Variants in SCN2A observed in about 807,000 individuals in gnomAD.
SCN2A encodes the protein sodium channel protein type 2 subunit alpha.
A neutral mutation model predicts 188.7 loss-of-function variants in SCN2A; 20 were observed. The observed-to-expected ratio is 0.11, with a 90% CI of 0.07 to 0.15. SCN2A has a LOEUF of 0.15. Among genes scored for constraint, SCN2A ranks in the 10% least tolerant of loss-of-function variants. The pLI is 1.00. For missense variants in SCN2A, 1,278 were observed against 2,445.0 expected, an observed-to-expected ratio of 0.52 and a Z score of 10.07; for synonymous variants, 804 against 833.1, an observed-to-expected ratio of 0.97 and a Z score of 0.60.
At chr2:165,349,523 T>A (rs1243053714) in intron 16 of SCN2A, among the ~76,000 whole-genome samples, 1 of 151,898 alleles carries the variant, frequency 6.6e-6, no homozygotes, top group Non-Finnish European at 1.5e-5. Context: ...TGCAGAAAAT[T>A]GAAGTTGAAA....
At chr2:165,318,147 G>A (rs1361891986) in intron 11 of SCN2A, among the ~76,000 whole-genome samples, 5 of 152,190 alleles carry the variant, frequency 3.3e-5, no homozygotes, top group African/African-American at 1.2e-4. Flanking sequence ...GTGATGACAT[G>A]ATTGTGTTGG....
At chr2:165,324,346 G>A (rs760683866) in intron 12 of SCN2A, among the ~76,000 whole-genome samples, 111 of 151,662 alleles carry the variant, frequency 7.3e-4, no homozygotes, top group Admixed American at 6.6e-4. Flanking sequence ...TTTTCACATA[G>A]CTCCATTTAT....
intron 1 of SCN2A, chr2:165,268,989 G>A (rs1694992879): frequency 6.6e-6 from 1 of 152,010 alleles, no homozygotes; most frequent in Non-Finnish European, 1.5e-5. Flanking sequence ...GGGCTACTGG[G>A]TAGGGCTGTA....
chr2:165,281,354 G>A (rs565614292), intron 1 of SCN2A, among the ~76,000 whole-genome samples: 5 of 152,096 alleles, frequency 3.3e-5, no homozygotes, highest in African/African-American at 1.2e-4. Context: ...GCATGGTTGG[G>A]GAAGGCATCA....
intron 1 of SCN2A, among the ~76,000 whole-genome samples, chr2:165,265,500 T>TATATATATAC (rs1694813450): frequency 6.3e-5 from 8 of 126,936 alleles, no homozygotes; most frequent in Admixed American, 6.1e-4. Flanking sequence ...TATATATATA[T>TATATATATAC]ATATATATAT....
At chr2:165,352,348 G>T (rs990725684) in intron 16 of SCN2A, among the ~76,000 whole-genome samples, 1 of 151,694 alleles carries the variant, frequency 6.6e-6, no homozygotes, top group African/African-American at 2.4e-5. Context: ...AATCAAACGT[G>T]GTCTTCATTG....
At chr2:165,306,719 C>G (rs900312852) in intron 3 of SCN2A, among the ~76,000 whole-genome samples, 10 of 151,766 alleles carry the variant, frequency 6.6e-5, no homozygotes, top group African/African-American at 2.4e-4. Flanking sequence ...GTACTAGATG[C>G]AAATGAACTT....
intron 16 of SCN2A, among the ~76,000 whole-genome samples, chr2:165,350,573 C>T (rs1699850137): frequency 6.9e-6 from 1 of 145,666 alleles, no homozygotes; most frequent in African/African-American, 2.6e-5. Context: ...CCCGGGTTCA[C>T]GCCATTCTCC....
chr2:165,375,234 G>A (rs182406572), intron 22 of SCN2A, among the ~76,000 whole-genome samples: 1 of 151,994 alleles, frequency 6.6e-6, no homozygotes, highest in Non-Finnish European at 1.5e-5. Flanking sequence ...CCATTACTGG[G>A]TATATATACA....
At position 165,388,950 on chromosome 2, in the gene SCN2A, G is replaced by A. The variant is rs1702015681; in HGVS notation, c.5144G>A (p.Gly1715Asp). Residue 1715 changes from glycine to aspartate, a missense_variant, in exon 27 of 27, where the codon GGC becomes GAC. Physicochemically the swap from Gly to Asp is moderately conservative, Grantham distance 94. Around this residue, in one of 17 missense-constraint regions of SCN2A, gnomAD observed 47 missense variants for 109.0 expected, o/e 0.43. Coordinates refer to ENST00000375437, the MANE Select transcript of SCN2A (RefSeq NM_001040142.2). ...CTGTTCCAAATTACAACCTCTGCTG[G>A]CTGGGATGGATTGCTAGCACCTATT... ...ICLFQITTSA[G>D]WDGLLAPILN... The A allele has an allele frequency of 6.2e-7, 1 of 1,613,986 alleles. No homozygotes were observed. Among genetic ancestry groups the A allele is most frequent in the Non-Finnish European group, 8.5e-7 (1 of 1,180,016 alleles).
chr2:165,349,239 A>C (rs1256329075), intron 16 of SCN2A, among the ~76,000 whole-genome samples: 1 of 152,250 alleles, frequency 6.6e-6, no homozygotes, highest in Non-Finnish European at 1.5e-5. Context: ...ATGATCAGAC[A>C]GCAATGGGGA....
intron 1 of SCN2A, among the ~76,000 whole-genome samples, chr2:165,257,684 G>A (rs1382684135): frequency 6.6e-6 from 1 of 151,974 alleles, no homozygotes; most frequent in African/African-American, 2.4e-5. Context: ...GATTACAGGC[G>A]CCCCTCACCA....
chr2:165,313,156 G>A lies in SCN2A; in HGVS notation c.1035-464G>A, dbSNP rs143300296. Among the ~76,000 whole-genome samples the A allele has an allele frequency of 6.2e-3, 940 of 152,168 alleles. 16 individuals are homozygous for A. Among genetic ancestry groups the A allele is most frequent in the African/African-American group, 0.021 (857 of 41,530 alleles). ...CAAGACATTGAAGCCAGGTCTGCTTGATCTTCAAGGTCCTCCTATGACATT... is the reference window on the plus strand; with the variant it reads ...CAAGACATTGAAGCCAGGTCTGCTTAATCTTCAAGGTCCTCCTATGACATT... On this transcript the variant is annotated intron_variant, in intron 8 of 26. Transcript: ENST00000375437.
intron 23 of SCN2A, among the ~76,000 whole-genome samples, chr2:165,378,526 A>G (rs1019337522): frequency 2.6e-5 from 4 of 151,670 alleles, no homozygotes; most frequent in Admixed American, 1.3e-4. Context: ...CTAAATGACA[A>G]CCTTATTGTA....
chr2:165,374,481 T>C (rs1234143814), intron 21 of SCN2A, among the ~76,000 whole-genome samples: 1 of 152,152 alleles, frequency 6.6e-6, no homozygotes, highest in African/African-American at 2.4e-5. Flanking sequence ...GAGAAAACAT[T>C]CTCCAATATA....
chr2:165,365,469 A>C (rs1264023814), intron 18 of SCN2A, among the ~76,000 whole-genome samples: 1 of 152,010 alleles, frequency 6.6e-6, no homozygotes, highest in Admixed American at 6.6e-5. Flanking sequence ...TTTGAAAAAA[A>C]ATGCAACTTT....
At chr2:165,250,118 A>G (rs1056985913) in intron 1 of SCN2A, among the ~76,000 whole-genome samples, 9 of 152,004 alleles carry the variant, frequency 5.9e-5, no homozygotes, top group African/African-American at 1.7e-4. Context: ...CATCTGTCAT[A>G]TTTAATTGTG....
At chr2:165,344,489 T>A (rs1420717985) in intron 15 of SCN2A, 66 bp from the exon 16 acceptor site, 5 of 990,560 alleles carry the variant, frequency 5.0e-6, no homozygotes, top group African/African-American at 3.4e-5. Context: ...AAAATAAAAA[T>A]AAAATAAAAT....
chr2:165,377,638 T>C lies in SCN2A; in HGVS notation c.4296T>C (p.Val1432=). The C allele has an allele frequency of 6.2e-7, 1 of 1,606,806 alleles. No individual in the cohort carries two copies. Among genetic ancestry groups the C allele is most frequent in the Non-Finnish European group, 8.5e-7 (1 of 1,175,576 alleles). The change falls in exon 23 of 27, where the codon GTT becomes GTC. Residue 1432 remains valine, a synonymous_variant. Transcript: ENST00000375437. ...KGWMDIMYAA[V]DSRNVELQPK... ...GGATGGATATTATGTATGCAGCTGT[T>C]GATTCACGAAATGTAAGTCTAGTTA... is the stretch of plus-strand genomic sequence containing the variant.
Sources: gnomAD v4.1 joint callset for allele counts (sites outside exome capture counted in the v4.1 genomes callset) on GRCh38, gnomAD v4.1.1 for gene constraint, gnomAD v4.1.1 regional missense constraint, MANE v1.5 for transcripts, NCBI Gene and HGNC (gene_info 2026-07-23, HGNC 2026-07-21) for gene names.